Variants in MAGI2 observed in about 807,000 individuals in gnomAD.
MAGI2 encodes membrane associated guanylate kinase, WW and PDZ domain containing 2.
MAGI2 carries 35 observed loss-of-function variants against 133.3 expected under a neutral mutation model. That is an observed-to-expected ratio of 0.26 (90% CI 0.20 to 0.35). The LOEUF (loss-of-function observed/expected upper bound fraction) is 0.35, where lower values mean the gene tolerates loss of function less well. MAGI2 is among the 10% of genes least tolerant of loss of function. The pLI is 1.00. For synonymous variants in MAGI2, 729 were observed against 710.6 expected (o/e 1.03, Z -0.41); for missense variants, 1,636 against 1,863.4 (o/e 0.88, Z 2.25).
intron 1 of MAGI2, among the ~76,000 whole-genome samples, chr7:79,176,639 C>T (rs2129549746): frequency 6.6e-6 from 1 of 151,984 alleles, no homozygotes; most frequent in South Asian, 2.1e-4. Flanking sequence ...ACACCTAAAA[C>T]CAAGCTCACC....
intron 3 of MAGI2, among the ~76,000 whole-genome samples, chr7:78,586,804 G>A (rs1200411565): frequency 6.6e-6 from 1 of 152,124 alleles, no homozygotes; most frequent in Non-Finnish European, 1.5e-5. Context: ...CTACGTAGTT[G>A]ACATAAGTAG....
At chr7:78,610,179 C>T (rs1806285395) in intron 3 of MAGI2, among the ~76,000 whole-genome samples, 1 of 152,058 alleles carries the variant, frequency 6.6e-6, no homozygotes, top group Admixed American at 6.5e-5. Flanking sequence ...AGAACTTTGC[C>T]CCAGCTGTGC....
At chr7:78,513,359 C>A (rs938338316) in intron 4 of MAGI2, among the ~76,000 whole-genome samples, 2 of 152,116 alleles carry the variant, frequency 1.3e-5, no homozygotes, top group African/African-American at 4.8e-5. Flanking sequence ...CATGTAGAAG[C>A]AATGGGTGCT....
intron 6 of MAGI2, among the ~76,000 whole-genome samples, chr7:78,489,535 A>ATGAC (rs1793394538): frequency 6.6e-6 from 1 of 152,138 alleles, no homozygotes; most frequent in Admixed American, 6.6e-5. Flanking sequence ...ACCAACAGAG[A>ATGAC]TGACAGAGAT....
chr7:78,404,032 G>T (rs1797146367), intron 6 of MAGI2, among the ~76,000 whole-genome samples: 1 of 152,084 alleles, frequency 6.6e-6, no homozygotes, highest in African/African-American at 2.4e-5. Flanking sequence ...CAGACAAACA[G>T]AGAGCCAAAT....
chr7:79,197,353 TAAG>T (rs1562985197), intron 1 of MAGI2, among the ~76,000 whole-genome samples: 1 of 152,018 alleles, frequency 6.6e-6, no homozygotes, highest in African/African-American at 2.4e-5. Context: ...ACCATAAGCT[TAAG>T]AAAGTGGGCC....
intron 1 of MAGI2, among the ~76,000 whole-genome samples, chr7:79,115,374 T>C (rs953356264): frequency 2.0e-5 from 3 of 152,214 alleles, no homozygotes; most frequent in African/African-American, 7.2e-5. Flanking sequence ...TTTTTATATA[T>C]GCCTTAATTA....
chr7:79,360,727 A>G (rs1305474101), intron 1 of MAGI2, among the ~76,000 whole-genome samples: 1 of 152,134 alleles, frequency 6.6e-6, no homozygotes. Context: ...CAAAAATGCT[A>G]TAAATAAATT....
At chr7:78,815,871 A>G (rs528708915) in intron 2 of MAGI2, among the ~76,000 whole-genome samples, 4 of 152,332 alleles carry the variant, frequency 2.6e-5, no homozygotes, top group East Asian at 3.9e-4. Flanking sequence ...TAATAACCTT[A>G]CAATGGCTGC....
chr7:78,244,472 A>T (rs986985724), intron 10 of MAGI2, among the ~76,000 whole-genome samples: 2 of 152,140 alleles, frequency 1.3e-5, no homozygotes, highest in African/African-American at 4.8e-5. Context: ...ACACACCAGA[A>T]CTAGATAATT....
At chr7:78,679,187 C>G (rs964274199) in intron 2 of MAGI2, among the ~76,000 whole-genome samples, 1 of 152,136 alleles carries the variant, frequency 6.6e-6, no homozygotes, top group African/African-American at 2.4e-5. Context: ...TCCTTTCACT[C>G]TTTTCTCCTC....
chr7:78,340,976 G>A (rs1010105551), intron 9 of MAGI2, among the ~76,000 whole-genome samples: 5 of 152,122 alleles, frequency 3.3e-5, no homozygotes, highest in African/African-American at 1.2e-4. Context: ...GCAAAAGAAA[G>A]AAATAAAGCG....
intron 3 of MAGI2, among the ~76,000 whole-genome samples, chr7:78,529,677 T>TG (rs1797289815): frequency 3.4e-5 from 2 of 58,982 alleles, no homozygotes; most frequent in Non-Finnish European, 7.1e-5. Flanking sequence ...GGTTTTTTTT[T>TG]TTTTTTTTTT....
At chr7:78,971,950 A>G (rs888384501) in intron 2 of MAGI2, among the ~76,000 whole-genome samples, 1 of 151,980 alleles carries the variant, frequency 6.6e-6, no homozygotes, top group Non-Finnish European at 1.5e-5. Context: ...TTTAAGAGCC[A>G]TATAAATATT....
rs1193053876 is a variant in MAGI2 at position 78,311,399 on chromosome 7, G to A, written c.1408+32379C>T. The stretch of plus-strand genomic sequence containing the variant: ...TCAGAAAATTCAAGAGCAATGACTC[G>A]AAGTCTCTGCATTTGGCAGTACTGA... On this transcript the variant is annotated intron_variant, in intron 9 of 21. Coordinates refer to ENST00000354212, the MANE Select transcript of MAGI2 (RefSeq NM_012301.4). 2.6e-5 allele frequency among the ~76,000 whole-genome samples: 4 copies of A among 152,196 alleles called. No homozygotes were observed. The East Asian group carries it at 7.7e-4, about 29-fold the overall frequency.
At chr7:78,855,221 G>A (rs540001543) in intron 2 of MAGI2, among the ~76,000 whole-genome samples, 1 of 151,992 alleles carries the variant, frequency 6.6e-6, no homozygotes, top group East Asian at 1.9e-4. Context: ...CAAGTAGCTG[G>A]GACTACAGGA....
intron 3 of MAGI2, among the ~76,000 whole-genome samples, chr7:78,598,207 T>C (rs1804817991): frequency 1.3e-5 from 2 of 152,202 alleles, no homozygotes; most frequent in Non-Finnish European, 2.9e-5. Context: ...AATTATATTC[T>C]TTCAAGGATT....
chr7:79,126,957 C>G (rs972978965), intron 1 of MAGI2, among the ~76,000 whole-genome samples: 1 of 151,288 alleles, frequency 6.6e-6, no homozygotes, highest in Non-Finnish European at 1.5e-5. Context: ...CTCCTCCCCC[C>G]ACCCCACAAC....
intron 1 of MAGI2, among the ~76,000 whole-genome samples, chr7:79,149,550 T>G (rs986712279): frequency 4.6e-5 from 7 of 152,140 alleles, no homozygotes; most frequent in African/African-American, 1.7e-4. Context: ...TTTCATTTCC[T>G]TCAAAGACTG....
Sources: gnomAD v4.1 joint callset for allele counts (sites outside exome capture counted in the v4.1 genomes callset) on GRCh38, gnomAD v4.1.1 for gene constraint, MANE v1.5 for transcripts, NCBI Gene and HGNC (gene_info 2026-07-23, HGNC 2026-07-21) for gene names.